The following BRSK2 variants were observed in gnomAD, a reference collection of about 807,000 sequenced individuals.
BRSK2 encodes the protein serine/threonine-protein kinase BRSK2.
In BRSK2, 19 loss-of-function variants were observed where a neutral mutation model predicts 83.3. The observed-to-expected ratio is 0.23, with a 90% CI of 0.16 to 0.33. The LOEUF is 0.33. BRSK2 is among the 10% of genes least tolerant of loss of function. BRSK2 has a pLI of 1.00. For synonymous variants in BRSK2, 519 were observed against 435.4 expected (o/e 1.19, Z -2.39); for missense variants, 798 against 1,042.3 (o/e 0.77, Z 3.23).
At chr11:1,425,101 T>C (rs1849057997) in intron 1 of BRSK2, among the ~76,000 whole-genome samples, 1 of 152,182 alleles carries the variant, frequency 6.6e-6, no homozygotes. Flanking sequence ...CCGAGGCCCG[T>C]GATGGGAAGC....
At chr11:1,391,595 AG>A (rs1475259541) in intron 1 of BRSK2, among the ~76,000 whole-genome samples, 1 of 152,174 alleles carries the variant, frequency 6.6e-6, no homozygotes, top group Non-Finnish European at 1.5e-5. Context: ...ACGGCACGGA[AG>A]GGCCCCTGGC....
At chr11:1,418,739 T>C (rs553149253) in intron 1 of BRSK2, among the ~76,000 whole-genome samples, 1 of 152,388 alleles carries the variant, frequency 6.6e-6, no homozygotes, top group East Asian at 1.9e-4. Flanking sequence ...AGAGCAGCAG[T>C]TCAGACTGAA....
At chr11:1,427,369 C>G (rs1434137350) in intron 1 of BRSK2, among the ~76,000 whole-genome samples, 1 of 152,194 alleles carries the variant, frequency 6.6e-6, no homozygotes, top group Non-Finnish European at 1.5e-5. Flanking sequence ...CTCTCAGATA[C>G]CACGTGCAGG....
intron 18 of BRSK2, among the ~76,000 whole-genome samples, chr11:1,457,294 C>CTGTG (rs1330482710): frequency 6.6e-6 from 1 of 152,200 alleles, no homozygotes; most frequent in Non-Finnish European, 1.5e-5. Context: ...GCCTGACGGG[C>CTGTG]TGTGACTTCT....
rs750135179 is a variant in BRSK2 at position 1,456,342 on chromosome 11, CCA to C, written c.1669-3_1669-2del. The C allele has an allele frequency of 1.8e-5, 28 of 1,553,366 alleles. No homozygotes were observed. The South Asian group carries it at 2.6e-4, about 15-fold the overall frequency. ...CAGCCACGCTCACGCTGCTCTCTCT[CCA>C]CAGATTCCCAGTCTCAGCCACAGCG... On this transcript the variant is annotated splice_region_variant and splice_polypyrimidine_tract_variant and intron_variant, in intron 16 of 19. Transcript: ENST00000528841.
At chr11:1,424,564 T>A (rs1301249203) in intron 1 of BRSK2, among the ~76,000 whole-genome samples, 1 of 152,180 alleles carries the variant, frequency 6.6e-6, no homozygotes, top group Non-Finnish European at 1.5e-5. Context: ...TCCAGGACCC[T>A]TCGCCAGGAC....
chr11:1,456,737 G>A (rs1160260276), intron 18 of BRSK2, 50 bp downstream of exon 18: 3 of 1,536,142 alleles, frequency 2.0e-6, no homozygotes, highest in Non-Finnish European at 2.6e-6. Flanking sequence ...GTGGGGCGTG[G>A]CCAGCTGGTG....
chr11:1,426,241 C>CGTGCTCT (rs1849202152), intron 1 of BRSK2, among the ~76,000 whole-genome samples: 1 of 75,760 alleles, frequency 1.3e-5, no homozygotes. Context: ...GGGCGTGCTC[C>CGTGCTCT]GGGGATGTGT....
chr11:1,436,180 C>A, intron 2 of BRSK2, 46 bp downstream of exon 2: 1 of 81,338 alleles, frequency 1.2e-5, no homozygotes. Context: ...TGGGGTGGGG[C>A]GGGGAATAGC....
At chr11:1,449,698 C>G in intron 12 of BRSK2, 78 bp from the exon 13 acceptor site, 2 of 1,326,370 alleles carry the variant, frequency 1.5e-6, no homozygotes, top group Non-Finnish European at 1.1e-6. Context: ...GAGGGTTTAC[C>G]TGGGGGGAGC....
In BRSK2 at chr11:1,459,321, G is replaced by T. The variant is rs189737296; in HGVS notation, c.1987+82G>T. ...CAGCCCGCTGTGGCCGCCACCTGCC[G>T]CCCGGGTTGTCCCGGCCTCCCTGTG... On this transcript the variant is annotated intron_variant, in intron 19 of 19. Coordinates refer to ENST00000528841, the MANE Select transcript of BRSK2 (RefSeq NM_001256627.2). 4.7e-5 allele frequency: 72 copies of T among 1,525,140 alleles called. No individual in the cohort carries two copies. The African/African-American group carries it at 7.9e-4, about 17-fold the overall frequency. 94.5% of individuals were successfully genotyped at this position (1,525,140 alleles called of 1,614,324 possible).
chr11:1,444,114 T>C (rs1851706222), intron 8 of BRSK2, among the ~76,000 whole-genome samples: 1 of 152,050 alleles, frequency 6.6e-6, no homozygotes, highest in African/African-American at 2.4e-5. Flanking sequence ...TGTGCACATG[T>C]AGGTGAGACC....
chr11:1,461,369 G>C lies in BRSK2; in HGVS notation c.*646G>C. The C allele has an allele frequency of 3.2e-6, 1 of 310,262 alleles. No individual in the cohort carries two copies. The highest frequency in any genetic ancestry group is 6.0e-6 in the Non-Finnish European group (1 of 167,092). 19.2% of individuals were successfully genotyped at this position (310,262 alleles called of 1,614,324 possible). A position where few individuals can be genotyped will look rare whatever the true frequency, so the allele number is the denominator to read the frequency against. ...TCCCTGGCTGCGCCGCCTCCGTGTAGTCTTGGCCTCCTCAGGCTGCCTCCC... is the reference window on the plus strand; with the variant it reads ...TCCCTGGCTGCGCCGCCTCCGTGTACTCTTGGCCTCCTCAGGCTGCCTCCC... On this transcript the variant is annotated 3_prime_UTR_variant, in exon 20 of 20. Transcript: ENST00000528841.
At chr11:1,427,989 C>T (rs562094281) in intron 1 of BRSK2, among the ~76,000 whole-genome samples, 36 of 152,288 alleles carry the variant, frequency 2.4e-4, no homozygotes, top group Non-Finnish European at 1.6e-4. Context: ...CCCAGGGAAG[C>T]TTTACCTAGG....
chr11:1,426,673 G>A (rs543590130), intron 1 of BRSK2, among the ~76,000 whole-genome samples: 1 of 152,286 alleles, frequency 6.6e-6, no homozygotes, highest in African/African-American at 2.4e-5. Context: ...ACTCTCACCT[G>A]TGAGGTGTCC....
intron 12 of BRSK2, 136 bp downstream of exon 12, chr11:1,446,043 C>T (rs1250014928): frequency 1.4e-6 from 1 of 729,522 alleles, no homozygotes; most frequent in East Asian, 5.0e-5. Flanking sequence ...CTAAACTGGG[C>T]TTAGCTGGGC....
intron 15 of BRSK2, among the ~76,000 whole-genome samples, chr11:1,452,079 C>T (rs940689565): frequency 1.3e-5 from 2 of 152,184 alleles, no homozygotes; most frequent in South Asian, 2.1e-4. Flanking sequence ...GCAGCGTGAC[C>T]CCAGGCCAGG....
intron 1 of BRSK2, among the ~76,000 whole-genome samples, chr11:1,425,153 C>T (rs186281645): frequency 7.6e-4 from 116 of 152,358 alleles, no homozygotes; most frequent in South Asian, 1.9e-3. Flanking sequence ...CGGTCGGTCC[C>T]GGCGCTCTCA....
intron 9 of BRSK2, 142 bp downstream of exon 9, chr11:1,445,144 G>A: frequency 1.4e-6 from 2 of 1,471,944 alleles, no homozygotes; most frequent in South Asian, 1.2e-5. Context: ...GCTGGGTGCG[G>A]GGTGCGGGCA....
Sources: allele counts gnomAD v4.1 joint callset (sites outside exome capture counted in the v4.1 genomes callset), GRCh38; gene constraint gnomAD v4.1.1; transcripts MANE v1.5; gene names NCBI Gene and HGNC (gene_info 2026-07-23, HGNC 2026-07-21).